Variants in CYGB observed in about 807,000 individuals in gnomAD.
The protein encoded by CYGB is cytoglobin, also known as histoglobin.
Under a neutral mutation model 20.7 loss-of-function variants are expected in CYGB, and 13 were observed. The ratio of observed to expected loss-of-function variants is 0.63; its 90% confidence interval spans 0.41 to 1.00. The LOEUF (loss-of-function observed/expected upper bound fraction) is 1.00. Ranked by LOEUF, CYGB falls within the 50% of genes least tolerant of loss-of-function variation. The pLI is 0.00. For missense variants in CYGB, 218 were observed against 257.2 expected (o/e 0.85, Z 1.04); for synonymous variants, 93 against 107.4 (o/e 0.87, Z 0.83).
Position 76,529,046 on chromosome 17 carries a change from C to G in CYGB, c.540-435G>C, listed in dbSNP as rs1175855318. On this transcript the variant is annotated intron_variant, in intron 3 of 3. Transcript: ENST00000293230. ...ACAGCGCCCCCTGCAGTCATTGCGCCCCCCCCCCACCCCCCACCCACGCAA... is the reference window on the plus strand; with the variant it reads ...ACAGCGCCCCCTGCAGTCATTGCGCGCCCCCCCCACCCCCCACCCACGCAA... 1.2e-4 allele frequency: 11 copies of G among 88,004 alleles called. No individual in the cohort carries two copies. In the African/African-American group the frequency reaches 2.7e-3, roughly 22 times the overall value. 5.5% of individuals were successfully genotyped at this position (88,004 alleles called of 1,614,324 possible). A position where few individuals can be genotyped will look rare whatever the true frequency, so the allele number is the denominator to read the frequency against.
chr17:76,539,474 G>C (rs1598210484), upstream of CYGB, among the ~76,000 whole-genome samples: 1 of 152,162 alleles, frequency 6.6e-6, no homozygotes, highest in African/African-American at 2.4e-5. Flanking sequence ...AGAAAAGTTT[G>C]GAGAGGATTG....
At chr17:76,545,065 G>T (rs1208332297) in intron 1 of CYGB, 10 of 451,438 alleles carry the variant, frequency 2.2e-5, no homozygotes, top group Non-Finnish European at 3.6e-5. Flanking sequence ...CGGGTGGGGG[G>T]GCTGTCTCCC....
intron 1 of CYGB, chr17:76,543,083 C>T (rs556725780): frequency 6.4e-5 from 30 of 471,574 alleles, no homozygotes; most frequent in Admixed American, 2.6e-4. Context: ...GCTGCAGCAG[C>T]GGCAAGAGGG....
At chr17:76,540,645 G>A, upstream of CYGB, 1 of 1,465,410 alleles carries the variant, frequency 6.8e-7, no homozygotes, top group Non-Finnish European at 9.5e-7. This position sits in a 1 kb window ranked among gnomAD's most constrained non-coding sequence, Gnocchi z 5.0. Context: ...GCCTGGGGGT[G>A]CACGTGTGTG....
At chr17:76,541,485 G>GAT (rs1481524597), upstream of CYGB, among the ~76,000 whole-genome samples, 9 of 152,270 alleles carry the variant, frequency 5.9e-5, no homozygotes, top group Middle Eastern at 3.4e-3. Flanking sequence ...GTGTCCCTTA[G>GAT]ATATGCGGAA....
chr17:76,548,908 C>G (rs898111911), intron 1 of CYGB, among the ~76,000 whole-genome samples: 3 of 152,148 alleles, frequency 2.0e-5, no homozygotes, highest in African/African-American at 7.2e-5. Flanking sequence ...GAGACAGTTC[C>G]CTGACTGTGC....
At chr17:76,540,270 G>T (rs2074974880), upstream of CYGB, 3 of 1,026,280 alleles carry the variant, frequency 2.9e-6, no homozygotes, top group South Asian at 2.7e-5. The surrounding 1 kb of genome is among the most constrained non-coding windows in gnomAD (Gnocchi z 5.0). Flanking sequence ...GGGGCATGGG[G>T]CTGGGCTGCC....
rs761845571 is a variant in CYGB, at chr17:76,531,049, G to C, written c.469C>G (p.Leu157Val). The C allele has an allele frequency of 3.1e-6, 5 of 1,613,558 alleles. No individual in the cohort carries two copies. In the Admixed American group the frequency reaches 6.7e-5, roughly 22 times the overall value. The change falls in exon 3 of 4, where the codon CTC (leucine) becomes GTC (valine). Residue 157 changes from leucine (L) to valine (V), a missense_variant. Leu to Val is a conservative substitution (Grantham distance 32, BLOSUM62 1). Around this residue, in one of 2 missense-constraint regions of CYGB, gnomAD observed 66 missense variants for 107.4 expected, o/e 0.61. Transcript: ENST00000293230. This position sits in a 1 kb window ranked among gnomAD's most constrained non-coding sequence, Gnocchi z 7.4. Reference sequence around the variant, plus strand: ...GCAGCGGTCACGTGGCTGTAGATGAGGCCACGCAGCTTGGCCCAGGCTCTC... The same window carrying C: ...GCAGCGGTCACGTGGCTGTAGATGACGCCACGCAGCTTGGCCCAGGCTCTC... ...TQRAWAKLRGLIYSHVTAAYK... is the reference protein window; with the variant it reads ...TQRAWAKLRGVIYSHVTAAYK...
At chr17:76,529,047 C>A (rs942701616) in intron 3 of CYGB, 2 of 327,518 alleles carry the variant, frequency 6.1e-6, no homozygotes, top group East Asian at 4.2e-4. Flanking sequence ...TCATTGCGCC[C>A]CCCCCCCACC....
rs559066065 is a variant in CYGB, at chr17:76,543,636, C to A, written c.-53+7226G>T. On this transcript the variant is annotated intron_variant, in intron 1 of 3. Transcript: ENST00000589145. The stretch of plus-strand genomic sequence containing the variant: ...CGCTCCTACCCACCATGGCAGGCGG[C>A]CTCCCCCTGGAACCTAACAGTTTGC... Among the ~76,000 whole-genome samples the A allele has an allele frequency of 1.6e-3, 251 of 152,328 alleles. 1 individual carries two copies. Among genetic ancestry groups the A allele is most frequent in the Non-Finnish European group, 2.7e-3 (181 of 68,028 alleles).
intron 1 of CYGB, among the ~76,000 whole-genome samples, chr17:76,534,659 C>G (rs900072002): frequency 2.6e-5 from 4 of 152,216 alleles, no homozygotes; most frequent in African/African-American, 7.2e-5. Context: ...TCCAAGATTG[C>G]CCAACAAAGT....
chr17:76,549,956 T>C (rs1017936777), intron 1 of CYGB: 3 of 150,664 alleles, frequency 2.0e-5, no homozygotes, highest in South Asian at 2.1e-4. Context: ...TTTTTGTTTG[T>C]TTTTTTTTCT....
chr17:76,535,941 G>A (rs956163916), intron 1 of CYGB, among the ~76,000 whole-genome samples: 3 of 152,208 alleles, frequency 2.0e-5, no homozygotes, highest in African/African-American at 4.8e-5. Context: ...TGTGCCAGAC[G>A]CATGCAAGGC....
In CYGB at chr17:76,528,706, C is replaced by T; in HGVS notation, c.540-95G>A. 1 of 1,166,394 alleles carries T rather than the reference C, an allele frequency of 8.6e-7. No homozygotes were observed. Among genetic ancestry groups the T allele is most frequent in the Non-Finnish European group, 1.1e-6 (1 of 914,012 alleles). The allele number at this position is 1,166,394 out of a possible 1,614,324, so 72.3% of individuals were successfully genotyped here. ...GAGGACCTGGGGCTGGCGAGGCTCA[C>T]TTCCTGCCAAGAGATCCGGCACAGT... On this transcript the variant is annotated intron_variant, in intron 3 of 3. Coordinates refer to ENST00000293230, the MANE Select transcript of CYGB (RefSeq NM_134268.5). This position sits in a 1 kb window ranked among gnomAD's most constrained non-coding sequence, Gnocchi z 5.8.
intron 1 of CYGB, chr17:76,545,048 T>C (rs2075038716): frequency 2.3e-6 from 1 of 441,278 alleles, no homozygotes; most frequent in South Asian, 1.6e-5. Flanking sequence ...TGGGGTGCCA[T>C]GTGGGCCGGG....
chr17:76,529,369 GAGC>G lies in CYGB; in HGVS notation c.540-761_540-759del, dbSNP rs751316241. ...AGCCCATCTCCATTCAGTCCACAAG[GAGC>G]AGAAGTGGGCGGAGGAGGAGACTTC... is the stretch of plus-strand genomic sequence containing the variant. On this transcript the variant is annotated intron_variant, in intron 3 of 3. Coordinates refer to ENST00000293230, the MANE Select transcript of CYGB (RefSeq NM_134268.5). 371 of 985,334 alleles carry G rather than the reference GAGC, an allele frequency of 3.8e-4. 1 individual carries two copies. Among genetic ancestry groups the G allele is most frequent in the Non-Finnish European group, 4.1e-4 (344 of 829,936 alleles). 61.0% of individuals were successfully genotyped at this position (985,334 alleles called of 1,614,324 possible).
chr17:76,533,873 A>AG lies in CYGB; in HGVS notation c.144-2183dup, dbSNP rs2074879549. 6.6e-6 allele frequency among the ~76,000 whole-genome samples: 1 copy of AG among 152,106 alleles called. No individual in the cohort carries two copies. Among genetic ancestry groups the AG allele is most frequent in the South Asian group, 2.1e-4 (1 of 4,822 alleles). On this transcript the variant is annotated intron_variant, in intron 1 of 3. Transcript: ENST00000293230. The surrounding 1 kb of genome is among the most constrained non-coding windows in gnomAD (Gnocchi z 4.5). ...AGTGAGATCCTGTCTCCAGAAAAAA[A>AG]GAAAAAAATTGGCTGGGTGTGGTGG... is the stretch of plus-strand genomic sequence containing the variant.
In CYGB at chr17:76,530,016, C is replaced by T; in HGVS notation, c.539+963G>A. ...GCCCTCAGGGGACCTCCTCCAGGAG[C>T]TGTGCCTGTGAACAGAAGGGCCGGC... is the stretch of plus-strand genomic sequence containing the variant. On this transcript the variant is annotated intron_variant, in intron 3 of 3. Transcript: ENST00000293230. This position sits in a 1 kb window ranked among gnomAD's most constrained non-coding sequence, Gnocchi z 6.1. 2 of 985,372 alleles carry T rather than the reference C, an allele frequency of 2.0e-6. No homozygotes were observed. Among genetic ancestry groups the T allele is most frequent in the Non-Finnish European group, 2.4e-6 (2 of 829,910 alleles). 61.0% of individuals were successfully genotyped at this position (985,372 alleles called of 1,614,324 possible).
At chr17:76,543,846 CA>C (rs1567912826) in intron 1 of CYGB, 1 of 471,128 alleles carries the variant, frequency 2.1e-6, no homozygotes, top group Non-Finnish European at 4.4e-6. Context: ...CTGAAATTAT[CA>C]ATAAGAAATG....
Sources: allele counts gnomAD v4.1 joint callset (sites outside exome capture counted in the v4.1 genomes callset), GRCh38; gene constraint gnomAD v4.1.1; regional missense constraint gnomAD v4.1.1; non-coding constraint Gnocchi (gnomAD v3.1); transcripts MANE v1.5; gene names NCBI Gene and HGNC (gene_info 2026-07-23, HGNC 2026-07-21).